Variants in KCNH7 observed in about 807,000 individuals in gnomAD.
The protein encoded by KCNH7 is voltage-gated inwardly rectifying potassium channel KCNH7.
Under a neutral mutation model 120.8 loss-of-function variants are expected in KCNH7, and 49 were observed. The observed-to-expected ratio is 0.41, with a 90% CI of 0.32 to 0.51. KCNH7 has a LOEUF of 0.51. Among genes scored for constraint, KCNH7 ranks in the 20% least tolerant of loss-of-function variants. The probability of loss-of-function intolerance (pLI) is 0.38; values close to 1 mark genes in which losing one functional copy is unlikely to be tolerated. For synonymous variants in KCNH7, 547 were observed against 516.1 expected (o/e 1.06, Z -0.81); for missense variants, 1,097 against 1,446.6 (o/e 0.76, Z 3.92).
intron 2 of KCNH7, among the ~76,000 whole-genome samples, chr2:162,700,982 C>A (rs1686474621): frequency 6.6e-6 from 1 of 152,106 alleles, no homozygotes; most frequent in Non-Finnish European, 1.5e-5. Flanking sequence ...GCCCTATATG[C>A]CAGGGCACTG....
chr2:162,512,370 T>C (rs1217894956), intron 5 of KCNH7, among the ~76,000 whole-genome samples: 2 of 151,826 alleles, frequency 1.3e-5, no homozygotes, highest in Non-Finnish European at 2.9e-5. Flanking sequence ...TTTAGCTTGA[T>C]ATTTGTGTTT....
Position 162,542,248 on chromosome 2 carries a change from TTTA to T in KCNH7, c.308-5171_308-5169del, listed in dbSNP as rs753436221. Reference sequence around the variant, plus strand: ...TTTTTTTTTCTTTGATGAGCTTCTTTTTATTATTATTATTATTATACTTTAAGT... The same window carrying T: ...TTTTTTTTTCTTTGATGAGCTTCTTTTTATTATTATTATTATACTTTAAGT... On this transcript the variant is annotated intron_variant, in intron 2 of 15. Coordinates refer to ENST00000332142, the MANE Select transcript of KCNH7 (RefSeq NM_033272.4). Among the ~76,000 whole-genome samples the T allele has an allele frequency of 1.7e-4, 25 of 151,200 alleles. No homozygotes were observed. In the East Asian group the frequency reaches 2.9e-3, roughly 18 times the overall value.
intron 6 of KCNH7, among the ~76,000 whole-genome samples, chr2:162,475,531 T>A (rs1404294696): frequency 1.3e-5 from 2 of 152,202 alleles, no homozygotes; most frequent in Non-Finnish European, 2.9e-5. Flanking sequence ...TGTTATGTTA[T>A]TATAACACAT....
chr2:162,606,478 A>C (rs1007267422), intron 2 of KCNH7, among the ~76,000 whole-genome samples: 6 of 152,166 alleles, frequency 3.9e-5, no homozygotes, highest in African/African-American at 1.4e-4. Flanking sequence ...ATTTACTGTC[A>C]TTGTTTCTTA....
chr2:162,598,183 C>T (rs140022555), intron 2 of KCNH7, among the ~76,000 whole-genome samples: 10 of 152,198 alleles, frequency 6.6e-5, no homozygotes, highest in African/African-American at 2.4e-4. Context: ...GGTGTTCAAA[C>T]TCTAGGTGGG....
intron 2 of KCNH7, among the ~76,000 whole-genome samples, chr2:162,682,722 T>G (rs1685755384): frequency 6.6e-6 from 1 of 151,822 alleles, no homozygotes; most frequent in Non-Finnish European, 1.5e-5. Flanking sequence ...TAATCGCTGT[T>G]GTAATCAAAG....
chr2:162,798,684 C>A (rs1040203820), intron 2 of KCNH7, among the ~76,000 whole-genome samples: 2 of 151,964 alleles, frequency 1.3e-5, no homozygotes, highest in Non-Finnish European at 2.9e-5. Flanking sequence ...ATAAATCCAC[C>A]TTTCAAAATG....
rs550864774 is a variant in KCNH7, at chr2:162,789,521, G to A, written c.307+47016C>T. ...TATAGACCAAATGAACCTAACGGAC[G>A]TATATAAACCATTCCATTCAACCAC... On this transcript the variant is annotated intron_variant, in intron 2 of 15. Coordinates refer to ENST00000332142, the MANE Select transcript of KCNH7 (RefSeq NM_033272.4). Among the ~76,000 whole-genome samples the A allele has an allele frequency of 2.5e-3, 378 of 151,996 alleles. 3 individuals are homozygous for A. The highest frequency in any genetic ancestry group is 0.011 in the South Asian group (51 of 4,826).
chr2:162,429,381 G>GTTTTTTTTTTTTT (rs1158431426), intron 8 of KCNH7, among the ~76,000 whole-genome samples: 2 of 43,420 alleles, frequency 4.6e-5, no homozygotes, highest in Admixed American at 3.7e-4. Flanking sequence ...TGAGGAAAAA[G>GTTTTTTTTTTTTT]TCTTTTTTTT....
At chr2:162,703,363 T>C (rs1305779280) in intron 2 of KCNH7, among the ~76,000 whole-genome samples, 2 of 152,136 alleles carry the variant, frequency 1.3e-5, no homozygotes, top group African/African-American at 2.4e-5. Flanking sequence ...TTTAATGGTA[T>C]AACAGGGTAT....
Position 162,542,821 on chromosome 2 carries a change from G to A in KCNH7, c.308-5741C>T, listed in dbSNP as rs143979708. On this transcript the variant is annotated intron_variant, in intron 2 of 15. Coordinates refer to ENST00000332142, the MANE Select transcript of KCNH7 (RefSeq NM_033272.4). ...TCTAGTTCTAGATCCCAGAGGAATC[G>A]CCACACTGTCTTCCACAATGGTTGA... Among the ~76,000 whole-genome samples the A allele has an allele frequency of 5.0e-3, 763 of 152,158 alleles. 9 individuals are homozygous for A. Among genetic ancestry groups the A allele is most frequent in the African/African-American group, 0.018 (727 of 41,534 alleles).
At chr2:162,437,551 C>G (rs1405534679) in intron 7 of KCNH7, among the ~76,000 whole-genome samples, 2 of 152,180 alleles carry the variant, frequency 1.3e-5, no homozygotes, top group African/African-American at 4.8e-5. Context: ...AACAGACAAA[C>G]TTATGTTTGA....
intron 2 of KCNH7, among the ~76,000 whole-genome samples, chr2:162,834,782 A>C (rs949179316): frequency 5.3e-5 from 8 of 152,202 alleles, no homozygotes; most frequent in African/African-American, 1.9e-4. Context: ...GTAATAGATA[A>C]CTCCTACTTG....
chr2:162,592,751 A>G (rs949020156), intron 2 of KCNH7, among the ~76,000 whole-genome samples: 1 of 152,044 alleles, frequency 6.6e-6, no homozygotes, highest in African/African-American at 2.4e-5. Context: ...TATGACTCCT[A>G]TTTATTAACT....
At chr2:162,665,585 A>C (rs1373768215) in intron 2 of KCNH7, among the ~76,000 whole-genome samples, 1 of 152,098 alleles carries the variant, frequency 6.6e-6, no homozygotes, top group Non-Finnish European at 1.5e-5. Flanking sequence ...ATGATAGAAA[A>C]ATTTTCTAAA....
intron 9 of KCNH7, among the ~76,000 whole-genome samples, chr2:162,420,412 A>G (rs898721417): frequency 2.0e-5 from 3 of 151,896 alleles, no homozygotes; most frequent in Non-Finnish European, 4.4e-5. Flanking sequence ...TACAAAACAA[A>G]ACAAAACACC....
intron 6 of KCNH7, among the ~76,000 whole-genome samples, chr2:162,465,361 G>A (rs1438048679): frequency 6.6e-6 from 1 of 152,074 alleles, no homozygotes; most frequent in African/African-American, 2.4e-5. Context: ...GATATTAAAT[G>A]CAAGCTCTAT....
rs142657991 is a variant in KCNH7 at position 162,673,152 on chromosome 2, CA to C, written c.308-136073del. On this transcript the variant is annotated intron_variant, in intron 2 of 15. Coordinates refer to ENST00000332142, the MANE Select transcript of KCNH7 (RefSeq NM_033272.4). ...TTGCAAATTCTATCAGAGTATTCTACAAAAGGATTATATAAATATTTATTTT... is the reference window on the plus strand; with the variant it reads ...TTGCAAATTCTATCAGAGTATTCTACAAAGGATTATATAAATATTTATTTT... Among the ~76,000 whole-genome samples, 327 of 151,888 alleles carry C rather than the reference CA, an allele frequency of 2.2e-3. 1 individual carries two copies. The highest frequency in any genetic ancestry group is 3.3e-3 in the Non-Finnish European group (222 of 67,864).
intron 2 of KCNH7, among the ~76,000 whole-genome samples, chr2:162,703,185 T>C (rs1012454949): frequency 1.3e-5 from 2 of 152,080 alleles, no homozygotes; most frequent in African/African-American, 4.8e-5. Flanking sequence ...TGCCACACAA[T>C]AGGCAATACC....
Sources: gnomAD v4.1 joint callset for allele counts (sites outside exome capture counted in the v4.1 genomes callset) on GRCh38, gnomAD v4.1.1 for gene constraint, MANE v1.5 for transcripts, NCBI Gene and HGNC (gene_info 2026-07-23, HGNC 2026-07-21) for gene names.